Variants in ARHGAP15 observed in about 807,000 individuals in gnomAD.
ARHGAP15 encodes the protein Rho GTPase activating protein 15, also known as rho GTPase-activating protein 15.
A neutral mutation model predicts 63.7 loss-of-function variants in ARHGAP15; 51 were observed. The ratio of observed to expected loss-of-function variants is 0.80; its 90% CI spans 0.64 to 1.01. The LOEUF (loss-of-function observed/expected upper bound fraction) is 1.01. Ranked by LOEUF, ARHGAP15 falls within the 50% of genes least tolerant of loss-of-function variation. The pLI, the probability that ARHGAP15 is intolerant of heterozygous loss-of-function variation, is 0.00. For synonymous variants in ARHGAP15, 191 were observed against 193.8 expected (o/e 0.99, Z 0.12); for missense variants, 560 against 564.6 (o/e 0.99, Z 0.08).
At chr2:143,417,405 A>G (rs1044330717) in intron 6 of ARHGAP15, among the ~76,000 whole-genome samples, 1 of 152,118 alleles carries the variant, frequency 6.6e-6, no homozygotes, top group African/African-American at 2.4e-5. Context: ...GCACTAGGAG[A>G]AGAGCATCTG....
intron 10 of ARHGAP15, among the ~76,000 whole-genome samples, chr2:143,531,416 T>G (rs895425237): frequency 2.0e-5 from 3 of 152,166 alleles, no homozygotes; most frequent in Admixed American, 6.5e-5. Flanking sequence ...TGATGTAAAT[T>G]TATCTCTGTC....
intron 12 of ARHGAP15, among the ~76,000 whole-genome samples, chr2:143,699,237 G>A (rs543377153): frequency 5.9e-5 from 9 of 152,196 alleles, no homozygotes; most frequent in Non-Finnish European, 1.2e-4. Flanking sequence ...AAGAGTGGGT[G>A]TGGTATTGAT....
chr2:143,291,384 C>T (rs1394950685), intron 6 of ARHGAP15, among the ~76,000 whole-genome samples: 2 of 151,920 alleles, frequency 1.3e-5, no homozygotes, highest in African/African-American at 4.8e-5. Flanking sequence ...AACACAGTTT[C>T]TCTCCCTCCC....
chr2:143,179,119 G>A (rs1691124808), intron 2 of ARHGAP15, among the ~76,000 whole-genome samples: 1 of 152,184 alleles, frequency 6.6e-6, no homozygotes, highest in Non-Finnish European at 1.5e-5. Context: ...TCATTAGAGG[G>A]CTTTTTAAAA....
intron 6 of ARHGAP15, among the ~76,000 whole-genome samples, chr2:143,372,984 T>TAA (rs34460482): frequency 6.7e-4 from 91 of 136,722 alleles, no homozygotes; most frequent in South Asian, 3.5e-3. Flanking sequence ...TCTCTCCTCT[T>TAA]AAAAAAAAAA....
intron 9 of ARHGAP15, among the ~76,000 whole-genome samples, chr2:143,489,695 T>C (rs1256130443): frequency 6.6e-6 from 1 of 152,180 alleles, no homozygotes; most frequent in Non-Finnish European, 1.5e-5. Context: ...TTAAGAAAAA[T>C]TGCATACAAT....
At chr2:143,382,918 TTTAGTGA>T (rs1220727531) in intron 6 of ARHGAP15, among the ~76,000 whole-genome samples, 5 of 152,324 alleles carry the variant, frequency 3.3e-5, no homozygotes, top group African/African-American at 1.2e-4. Flanking sequence ...CAAGAAGCTC[TTTAGTGA>T]ACTGTATAAA....
intron 6 of ARHGAP15, among the ~76,000 whole-genome samples, chr2:143,263,354 A>T (rs1438493210): frequency 6.6e-6 from 1 of 152,178 alleles, no homozygotes; most frequent in Non-Finnish European, 1.5e-5. Context: ...AGAATGAATC[A>T]CTGTTCCCCC....
intron 12 of ARHGAP15, among the ~76,000 whole-genome samples, chr2:143,645,674 G>C (rs553243021): frequency 1.9e-4 from 29 of 152,000 alleles, no homozygotes; most frequent in Non-Finnish European, 3.2e-4. Context: ...TTGAATGGTA[G>C]GGAACATAAG....
intron 12 of ARHGAP15, among the ~76,000 whole-genome samples, chr2:143,664,726 A>G (rs1329489964): frequency 2.6e-5 from 4 of 152,218 alleles, no homozygotes; most frequent in Non-Finnish European, 5.9e-5. Context: ...TAAAAATGAT[A>G]AAGGGGATAT....
chr2:143,380,412 C>A (rs978407820), intron 6 of ARHGAP15, among the ~76,000 whole-genome samples: 16 of 152,242 alleles, frequency 1.1e-4, no homozygotes, highest in African/African-American at 3.9e-4. Context: ...ATAAAAGTGA[C>A]TGTAAGTCCA....
chr2:143,325,836 G>T (rs1684225956), intron 6 of ARHGAP15, among the ~76,000 whole-genome samples: 1 of 152,094 alleles, frequency 6.6e-6, no homozygotes, highest in Admixed American at 6.5e-5. Context: ...CTTATTCAAT[G>T]AAAGTTTATT....
chr2:143,330,125 A>AAAAC (rs1684468482), intron 6 of ARHGAP15, among the ~76,000 whole-genome samples: 1 of 90,274 alleles, frequency 1.1e-5, no homozygotes, highest in Non-Finnish European at 2.2e-5. Flanking sequence ...AAAAAAAAAA[A>AAAAC]AAAAAACCAA....
chr2:143,511,485 G>A (rs1210097677), intron 9 of ARHGAP15, among the ~76,000 whole-genome samples: 1 of 152,160 alleles, frequency 6.6e-6, no homozygotes, highest in Non-Finnish European at 1.5e-5. Context: ...TGGTTGTTAA[G>A]TGAGGAAGAA....
chr2:143,455,918 C>G (rs1690628709), intron 8 of ARHGAP15, among the ~76,000 whole-genome samples: 2 of 151,908 alleles, frequency 1.3e-5, no homozygotes, highest in Admixed American at 1.3e-4. Context: ...TCCTGGCTGG[C>G]CCTAGGAGGG....
At chr2:143,740,938 G>GAAAAAT (rs1236150143) in intron 13 of ARHGAP15, among the ~76,000 whole-genome samples, 1 of 151,336 alleles carries the variant, frequency 6.6e-6, no homozygotes, top group Admixed American at 6.6e-5. Context: ...AAAAGAAAAA[G>GAAAAAT]AAAGGCGAGG....
chr2:143,672,441 A>G (rs938432149), intron 12 of ARHGAP15, among the ~76,000 whole-genome samples: 7 of 152,238 alleles, frequency 4.6e-5, no homozygotes, highest in African/African-American at 1.7e-4. Context: ...TAAACGCATA[A>G]TAGAAAACTC....
At chr2:143,221,566 C>T (rs906690312) in intron 4 of ARHGAP15, among the ~76,000 whole-genome samples, 3 of 152,164 alleles carry the variant, frequency 2.0e-5, no homozygotes, top group Non-Finnish European at 1.5e-5. Flanking sequence ...CTGTAAGTAA[C>T]CCTGGCTTCT....
chr2:143,138,043 A>G (rs1200674794), intron 1 of ARHGAP15, among the ~76,000 whole-genome samples: 1 of 152,114 alleles, frequency 6.6e-6, no homozygotes, highest in Non-Finnish European at 1.5e-5. Flanking sequence ...GGTAAGTACT[A>G]TAGTTGTTAC....
Sources: allele counts gnomAD v4.1 joint callset (sites outside exome capture counted in the v4.1 genomes callset), GRCh38; gene constraint gnomAD v4.1.1; transcripts MANE v1.5; gene names NCBI Gene and HGNC (gene_info 2026-07-23, HGNC 2026-07-21).